Variants in EIF5 observed in about 807,000 individuals in gnomAD.
EIF5 encodes the protein eukaryotic translation initiation factor 5.
In EIF5, 10 loss-of-function variants were observed where a neutral mutation model predicts 48.3. The ratio of observed to expected loss-of-function variants is 0.21; its 90% CI spans 0.13 to 0.35. The LOEUF is 0.35. EIF5 is among the 10% of genes least tolerant of loss of function. EIF5 has a pLI of 1.00. For missense variants in EIF5, 397 were observed against 533.2 expected, an observed-to-expected ratio of 0.74 and a Z score of 2.51; for synonymous variants, 237 against 173.1, an observed-to-expected ratio of 1.37 and a Z score of -2.90.
At position 103,342,642 on chromosome 14, in the gene EIF5, A is replaced by G. The variant is rs909665657; in HGVS notation, c.*1590A>G. On this transcript the variant is annotated 3_prime_UTR_variant, in exon 12 of 12. Transcript: ENST00000216554. ...TGTAATAAAACTTGGTTGGCTTGAT[A>G]TTTTAAGGAATTGAAACCTAGCAAT... 6.6e-6 allele frequency: 1 copy of G among 152,638 alleles called. No homozygotes were observed. Among genetic ancestry groups the G allele is most frequent in the Non-Finnish European group, 1.5e-5 (1 of 68,034 alleles). 9.5% of individuals were successfully genotyped at this position (152,638 alleles called of 1,614,324 possible). A position where few individuals can be genotyped will look rare whatever the true frequency, so the allele number is the denominator to read the frequency against.
Position 103,336,770 on chromosome 14 carries a change from A to G in EIF5, c.248A>G (p.Asn83Ser), listed in dbSNP as rs1313736568. The change falls in exon 5 of 12, where the codon AAT (asparagine) becomes AGT (serine). Residue 83 changes from asparagine (N) to serine (S), a missense_variant. By Grantham distance (46) the Asn-to-Ser change is conservative (BLOSUM62 1). Transcript: ENST00000216554. The part of the protein sequence containing the change: ...RYIVNGSHEA[N>S]KLQDMLDGFI... ...ATTGTCAATGGATCTCATGAGGCGA[A>G]TAAGCTGCAAGACATGTTGGATGGA... 1.2e-6 allele frequency: 2 copies of G among 1,614,202 alleles called. No individual in the cohort carries two copies. Among genetic ancestry groups the G allele is most frequent in the African/African-American group, 2.7e-5 (2 of 75,040 alleles).
At chr14:103,335,618 G>A (rs541432265) in intron 2 of EIF5, 35 bp from the exon 3 acceptor site, 216 of 555,152 alleles carry the variant, frequency 3.9e-4, no homozygotes, top group African/African-American at 3.8e-3. Flanking sequence ...TAAACCTGGG[G>A]GGATTTTTGT....
In EIF5 at chr14:103,344,254, T is replaced by G. The variant is rs2089387005; in HGVS notation, c.*3202T>G. ...AGGGTGTTTATGTCCACCTGTCTGGTCTAGCCAAACAGTTTTTTTCTGGGA... is the reference window on the plus strand; with the variant it reads ...AGGGTGTTTATGTCCACCTGTCTGGGCTAGCCAAACAGTTTTTTTCTGGGA... On this transcript the variant is annotated 3_prime_UTR_variant, in exon 12 of 12. Transcript: ENST00000216554. 6.6e-6 allele frequency: 1 copy of G among 152,214 alleles called. No homozygotes were observed. The highest frequency in any genetic ancestry group is 1.5e-5 in the Non-Finnish European group (1 of 68,034). 9.4% of individuals were successfully genotyped at this position (152,214 alleles called of 1,614,324 possible).
intron 5 of EIF5, 65 bp from the exon 6 acceptor site, chr14:103,337,051 T>C: frequency 6.8e-7 from 1 of 1,469,880 alleles, no homozygotes; most frequent in Non-Finnish European, 9.2e-7. Flanking sequence ...GTCTGTGGTT[T>C]AGATGTCCTC....
rs2089352275 is a variant in EIF5, at chr14:103,341,514, TAATTG to T, written c.*463_*467del. 1 of 156,394 alleles carries T rather than the reference TAATTG, an allele frequency of 6.4e-6. No individual in the cohort carries two copies. The highest frequency in any genetic ancestry group is 1.4e-5 in the Non-Finnish European group (1 of 70,260). The allele number at this position is 156,394 out of a possible 1,614,324, so 9.7% of individuals were successfully genotyped here. On this transcript the variant is annotated 3_prime_UTR_variant, in exon 12 of 12. Transcript: ENST00000216554. ...TCCTCAACAGGATGTAAAGCAAACT[TAATTG>T]TAATTAATTTATTCAGCCCATTAAG... is the stretch of plus-strand genomic sequence containing the variant.
At position 103,343,037 on chromosome 14, in the gene EIF5, A is replaced by G. The variant is rs368242551; in HGVS notation, c.*1985A>G. On this transcript the variant is annotated 3_prime_UTR_variant, in exon 12 of 12. Coordinates refer to ENST00000216554, the MANE Select transcript of EIF5 (RefSeq NM_001969.5). The stretch of plus-strand genomic sequence containing the variant: ...CAGTCTGGTGCCAAACTTCGAATGG[A>G]ATACAAATTCACATAATCTGAACTT... The G allele has an allele frequency of 3.3e-5, 5 of 152,638 alleles. No individual in the cohort carries two copies. Among genetic ancestry groups the G allele is most frequent in the African/African-American group, 1.2e-4 (5 of 41,464 alleles). The allele number at this position is 152,638 out of a possible 1,614,324, so 9.5% of individuals were successfully genotyped here.
At position 103,339,177 on chromosome 14, in the gene EIF5, GA is replaced by G. The variant is rs776254539; in HGVS notation, c.753del (p.Glu252LysfsTer21). Reference sequence around the variant, plus strand: ...TGTTTTCCTTTTCTTTGCAGAAAAAGAAAGAAGAGGGTGTTATTGATTCATC... The same window carrying G: ...TGTTTTCCTTTTCTTTGCAGAAAAAGAAGAAGAGGGTGTTATTGATTCATC... ...NILFDFVKKKKEEGVIDSSDK... is the reference protein window; with the variant it reads ...NILFDFVKKKXEEGVIDSSDK... On this transcript the variant is annotated frameshift_variant, in exon 9 of 12. Coordinates refer to ENST00000216554, the MANE Select transcript of EIF5 (RefSeq NM_001969.5). LOFTEE classifies it high-confidence loss of function. 6.3e-7 allele frequency: 1 copy of G among 1,599,096 alleles called. No individual in the cohort carries two copies. The highest frequency in any genetic ancestry group is 1.8e-5 in the Admixed American group (1 of 54,944).
intron 6 of EIF5, chr14:103,337,657 T>A (rs1313422531): frequency 6.0e-6 from 2 of 334,224 alleles, no homozygotes; most frequent in Non-Finnish European, 1.2e-5. Context: ...ATCTAAGACA[T>A]CTTTCAAAAG....
rs2089375499 is a variant in EIF5, at chr14:103,343,329, C to G, written c.*2277C>G. 2 of 152,190 alleles carry G rather than the reference C, an allele frequency of 1.3e-5. No homozygotes were observed. Among genetic ancestry groups the G allele is most frequent in the Non-Finnish European group, 2.9e-5 (2 of 68,030 alleles). 9.4% of individuals were successfully genotyped at this position (152,190 alleles called of 1,614,324 possible). A position where few individuals can be genotyped will look rare whatever the true frequency, so the allele number is the denominator to read the frequency against. Reference sequence around the variant, plus strand: ...CCCCACTCACAAAAGTTGTTCATTTCATTGGGTCACTGGCTTTATTTGCTA... The same window carrying G: ...CCCCACTCACAAAAGTTGTTCATTTGATTGGGTCACTGGCTTTATTTGCTA... On this transcript the variant is annotated 3_prime_UTR_variant, in exon 12 of 12. Transcript: ENST00000216554.
intron 7 of EIF5, 25 bp downstream of exon 7, chr14:103,338,497 T>C: frequency 1.3e-6 from 2 of 1,550,894 alleles, no homozygotes; most frequent in Non-Finnish European, 1.7e-6. Flanking sequence ...GATGGCCTAG[T>C]GGGCACTAAA....
At chr14:103,336,006 CTG>C (rs763570491) in intron 3 of EIF5, 28 bp from the exon 4 acceptor site, 4 of 1,613,846 alleles carry the variant, frequency 2.5e-6, no homozygotes, top group Non-Finnish European at 3.4e-6. Context: ...TCAGGGGAAA[CTG>C]CACAACTAAA....
At chr14:103,335,364 CT>C (rs2140357840) in intron 2 of EIF5, 1 of 157,960 alleles carries the variant, frequency 6.3e-6, no homozygotes, top group African/African-American at 2.4e-5. Flanking sequence ...GGCAAACCTG[CT>C]GATTGCCCTC....
rs753326833 is a variant in EIF5 at position 103,342,411 on chromosome 14, T to C, written c.*1359T>C. On this transcript the variant is annotated 3_prime_UTR_variant, in exon 12 of 12. Coordinates refer to ENST00000216554, the MANE Select transcript of EIF5 (RefSeq NM_001969.5). ...ACTCATATTATGGGTTCTGACTGTT[T>C]GAGTAATCATCTTCAAGGTTAAACC... The C allele has an allele frequency of 1.3e-5, 2 of 152,202 alleles. No homozygotes were observed. Among genetic ancestry groups the C allele is most frequent in the Non-Finnish European group, 2.9e-5 (2 of 68,036 alleles). The allele number at this position is 152,202 out of a possible 1,614,324, so 9.4% of individuals were successfully genotyped here.
chr14:103,336,888 A>G (rs768105152), intron 5 of EIF5, 39 bp downstream of exon 5: 9 of 1,584,286 alleles, frequency 5.7e-6, no homozygotes, highest in Middle Eastern at 1.9e-4. Context: ...AAAGCCATAT[A>G]CCTGCTTCTG....
chr14:103,339,484 T>C, intron 9 of EIF5, 151 bp downstream of exon 9: 1 of 1,399,458 alleles, frequency 7.1e-7, no homozygotes, highest in Non-Finnish European at 9.8e-7. Context: ...GTGCCATACC[T>C]AGGCCCTTAC....
chr14:103,337,008 T>C (rs2089294576), intron 5 of EIF5, 108 bp from the exon 6 acceptor site: 1 of 1,346,412 alleles, frequency 7.4e-7, no homozygotes, highest in African/African-American at 1.5e-5. Context: ...AGTAGGTCAC[T>C]GTGTGAAAAA....
At position 103,336,942 on chromosome 14, in the gene EIF5, A is replaced by G; in HGVS notation, c.327+93A>G. ...TTCCTGAGAAGGCAGAGCAAATGTA[A>G]TTTTAAATCAAACACAAAACTCCAG... is the stretch of plus-strand genomic sequence containing the variant. On this transcript the variant is annotated intron_variant, in intron 5 of 11. Coordinates refer to ENST00000216554, the MANE Select transcript of EIF5 (RefSeq NM_001969.5). 2.7e-6 allele frequency: 4 copies of G among 1,458,592 alleles called. No homozygotes were observed. The South Asian group carries it at 4.1e-5, about 15-fold the overall frequency. 90.4% of individuals were successfully genotyped at this position (1,458,592 alleles called of 1,614,324 possible).
chr14:103,343,761 C>T lies in EIF5; in HGVS notation c.*2709C>T, dbSNP rs1413021574. 2 of 152,200 alleles carry T rather than the reference C, an allele frequency of 1.3e-5. No individual in the cohort carries two copies. The highest frequency in any genetic ancestry group is 2.9e-5 in the Non-Finnish European group (2 of 68,040). The allele number at this position is 152,200 out of a possible 1,614,324, so 9.4% of individuals were successfully genotyped here. A position where few individuals can be genotyped will look rare whatever the true frequency, so the allele number is the denominator to read the frequency against. Reference sequence around the variant, plus strand: ...TTTGCATTTTGTTAGCTCAGTCAGTCCTCATCGTGGTCCTGAGGCATAGGT... The same window carrying T: ...TTTGCATTTTGTTAGCTCAGTCAGTTCTCATCGTGGTCCTGAGGCATAGGT... On this transcript the variant is annotated 3_prime_UTR_variant, in exon 12 of 12. Transcript: ENST00000216554.
chr14:103,334,499 T>TCCG lies in EIF5; in HGVS notation c.-304_-302dup, dbSNP rs1366730283. ...CGGCCGCTCCTCGCTGCGCTTCGCC[T>TCCG]CCGCCTCCTCGGACTCGGACTCGGG... On this transcript the variant is annotated 5_prime_UTR_variant, in exon 2 of 12. Coordinates refer to ENST00000216554, the MANE Select transcript of EIF5 (RefSeq NM_001969.5). The TCCG allele has an allele frequency of 6.9e-6, 1 of 144,436 alleles. No individual in the cohort carries two copies. Among genetic ancestry groups the TCCG allele is most frequent in the East Asian group, 2.1e-4 (1 of 4,720 alleles). 8.9% of individuals were successfully genotyped at this position (144,436 alleles called of 1,614,324 possible). A position where few individuals can be genotyped will look rare whatever the true frequency, so the allele number is the denominator to read the frequency against.
Sources: allele counts gnomAD v4.1 joint callset, GRCh38; gene constraint gnomAD v4.1.1; transcripts MANE v1.5; gene names NCBI Gene and HGNC (gene_info 2026-07-23, HGNC 2026-07-21).